Variants in ATP13A3 observed in about 807,000 individuals in gnomAD.
ATP13A3 encodes the protein polyamine-transporting ATPase 13A3.
A neutral mutation model predicts 158.1 loss-of-function variants in ATP13A3; 59 were observed. That is an observed-to-expected ratio of 0.37 (90% CI 0.30 to 0.46). The LOEUF is 0.46. Among genes scored for constraint, ATP13A3 ranks in the 20% least tolerant of loss-of-function variants. ATP13A3 has a pLI of 1.00. For synonymous variants in ATP13A3, 491 were observed against 504.3 expected, an observed-to-expected ratio of 0.97 and a Z score of 0.35; for missense variants, 1,166 against 1,525.2, an observed-to-expected ratio of 0.76 and a Z score of 3.92.
At chr3:194,427,401 T>C (rs1294408518) in intron 28 of ATP13A3, 149 bp from the exon 29 acceptor site, 4 of 669,140 alleles carry the variant, frequency 6.0e-6, no homozygotes, top group Non-Finnish European at 9.8e-6. Flanking sequence ...AAGCCACATA[T>C]CGTACATATT....
intron 31 of ATP13A3, among the ~76,000 whole-genome samples, chr3:194,417,525 C>T (rs2108753949): frequency 6.6e-6 from 1 of 151,984 alleles, no homozygotes; most frequent in South Asian, 2.1e-4. Context: ...AGGAGTCCTA[C>T]CCAAGCATGT....
At chr3:194,436,772 G>A (rs561577272) in intron 20 of ATP13A3, among the ~76,000 whole-genome samples, 21 of 152,258 alleles carry the variant, frequency 1.4e-4, no homozygotes, top group Non-Finnish European at 2.8e-4. Flanking sequence ...TGCTTGAACC[G>A]GGGAGGTGGA....
intron 28 of ATP13A3, among the ~76,000 whole-genome samples, chr3:194,428,237 A>AGAAAAAG (rs57440344): frequency 6.6e-6 from 1 of 151,150 alleles, no homozygotes; most frequent in African/African-American, 2.4e-5. Flanking sequence ...AAAAAAAAAA[A>AGAAAAAG]GAAAAAAAGA....
At chr3:194,421,114 G>GTATATA (rs1553796302) in intron 30 of ATP13A3, among the ~76,000 whole-genome samples, 28 of 8,110 alleles carry the variant, frequency 3.5e-3, no homozygotes, top group African/African-American at 6.9e-3. Context: ...TGTGTAGGGT[G>GTATATA]TATATATATA....
chr3:194,438,798 T>C (rs1717842094), intron 17 of ATP13A3, 58 bp downstream of exon 17: 3 of 1,195,752 alleles, frequency 2.5e-6, no homozygotes, highest in Admixed American at 2.4e-5. Context: ...TTGAAAAAAA[T>C]TAAAAATAAA....
intron 2 of ATP13A3, among the ~76,000 whole-genome samples, chr3:194,477,052 A>G (rs1252240516): frequency 6.6e-6 from 1 of 152,218 alleles, no homozygotes; most frequent in African/African-American, 2.4e-5. Context: ...TCATTCATTT[A>G]GAACACAATC....
Position 194,467,170 on chromosome 3 carries a change from A to T in ATP13A3, c.-46-4934T>A, listed in dbSNP as rs1211886160. Among the ~76,000 whole-genome samples, 2 of 152,234 alleles carry T rather than the reference A, an allele frequency of 1.3e-5. 1 individual carries two copies. The highest frequency in any genetic ancestry group is 2.9e-5 in the Non-Finnish European group (2 of 68,038). ...GAATAAGCATGTTTTATAACTTTAG[A>T]AAGGAACTGCCGTTAAAATCCAATG... On this transcript the variant is annotated intron_variant, in intron 2 of 33. Transcript: ENST00000645319.
chr3:194,461,004 C>G (rs1014656187), intron 3 of ATP13A3, among the ~76,000 whole-genome samples, 173 bp from the exon 4 acceptor site: 1 of 152,082 alleles, frequency 6.6e-6, no homozygotes, highest in African/African-American at 2.4e-5. Context: ...GACCAGTTTA[C>G]TGTCAGTTAT....
chr3:194,460,904 GTTCT>G lies in ATP13A3; in HGVS notation c.52-77_52-74del, dbSNP rs539151114. On this transcript the variant is annotated intron_variant, in intron 3 of 33. Coordinates refer to ENST00000645319, the MANE Select transcript of ATP13A3 (RefSeq NM_001367549.1). Reference sequence around the variant, plus strand: ...ATATGGCAGAGAAACACATTCCAAAGTTCTTTGTTTTCCAGATAGGTATTTATTG... The same window carrying G: ...ATATGGCAGAGAAACACATTCCAAAGTTGTTTTCCAGATAGGTATTTATTG... 4.3e-4 allele frequency: 628 copies of G among 1,463,104 alleles called. 3 individuals are homozygous for G. The African/African-American group carries it at 8.2e-3, about 19-fold the overall frequency. 90.6% of individuals were successfully genotyped at this position (1,463,104 alleles called of 1,614,324 possible). A position where few individuals can be genotyped will look rare whatever the true frequency, so the allele number is the denominator to read the frequency against.
intron 11 of ATP13A3, 92 bp downstream of exon 11, chr3:194,450,053 A>G: frequency 7.5e-7 from 1 of 1,335,994 alleles, no homozygotes; most frequent in Non-Finnish European, 1.0e-6. Flanking sequence ...TAAAGGTACA[A>G]ATGACATAGC....
At chr3:194,444,643 T>C in intron 15 of ATP13A3, 82 bp downstream of exon 15, 1 of 1,235,122 alleles carries the variant, frequency 8.1e-7, no homozygotes, top group Non-Finnish European at 1.1e-6. Context: ...CAGTTGTCTA[T>C]TACTTCCTTT....
chr3:194,492,348 T>C lies in ATP13A3; in HGVS notation n.746+1702A>G, dbSNP rs565792821. On this transcript the variant is annotated intron_variant and non_coding_transcript_variant, in intron 2 of 32. Coordinates refer to the ATP13A3 transcript ENST00000687055. ...GCATATACAGTTGTCCCTCGATATC[T>C]ACAGGGAATTGGTTTCAGAACCTCT... Among the ~76,000 whole-genome samples, 11 of 152,308 alleles carry C rather than the reference T, an allele frequency of 7.2e-5. No individual in the cohort carries two copies. In the South Asian group the frequency reaches 2.3e-3, roughly 32 times the overall value.
In ATP13A3 at chr3:194,413,856, T is replaced by C. The variant is rs1366470593; in HGVS notation, c.3403-17A>G. 6.2e-7 allele frequency: 1 copy of C among 1,601,572 alleles called. No homozygotes were observed. Among genetic ancestry groups the C allele is most frequent in the Non-Finnish European group, 8.6e-7 (1 of 1,169,030 alleles). On this transcript the variant is annotated splice_polypyrimidine_tract_variant and intron_variant, in intron 31 of 33. Coordinates refer to ENST00000645319, the MANE Select transcript of ATP13A3 (RefSeq NM_001367549.1). ...ACACACTATCTGTAATGCAAAAACA[T>C]TTTAAAGTTAAAATTGTTGTATGTA...
intron 2 of ATP13A3, among the ~76,000 whole-genome samples, chr3:194,482,175 C>T (rs1720778531): frequency 6.6e-6 from 1 of 151,800 alleles, no homozygotes; most frequent in Non-Finnish European, 1.5e-5. Context: ...ATTTTTTAAA[C>T]TATCATAACA....
chr3:194,460,407 A>G (rs1372864132), intron 4 of ATP13A3, among the ~76,000 whole-genome samples: 2 of 152,222 alleles, frequency 1.3e-5, no homozygotes. Flanking sequence ...ACAGACAAGT[A>G]GCTAATCTCT....
At position 194,405,922 on chromosome 3, in the gene ATP13A3, T is replaced by C. The variant is rs1380193313; in HGVS notation, c.3768A>G (p.Thr1256=). Residue 1256 remains threonine, a synonymous_variant, in exon 34 of 34, where the codon ACA becomes ACG. Coordinates refer to ENST00000645319, the MANE Select transcript of ATP13A3 (RefSeq NM_001367549.1). ...ENGSCQIITI[T] Reference sequence around the variant, plus strand: ...TACCACTGAGACTGATTCACTGCTATGTTATGGTGATGATTTGACATGATC... The same window carrying C: ...TACCACTGAGACTGATTCACTGCTACGTTATGGTGATGATTTGACATGATC... 6.2e-7 allele frequency: 1 copy of C among 1,613,860 alleles called. No homozygotes were observed. The highest frequency in any genetic ancestry group is 8.5e-7 in the Non-Finnish European group (1 of 1,179,748).
At chr3:194,454,454 T>A in intron 8 of ATP13A3, 62 bp from the exon 9 acceptor site, 1 of 1,472,146 alleles carries the variant, frequency 6.8e-7, no homozygotes, top group South Asian at 1.2e-5. Context: ...AGATTGTCCA[T>A]CTTTTCATTT....
chr3:194,425,048 T>TC (rs763587612), intron 30 of ATP13A3, among the ~76,000 whole-genome samples: 2 of 152,140 alleles, frequency 1.3e-5, no homozygotes, highest in Non-Finnish European at 2.9e-5. Flanking sequence ...CTGAGGAACC[T>TC]CCGTCTCCAC....
intron 2 of ATP13A3, among the ~76,000 whole-genome samples, chr3:194,480,425 C>T (rs904144781): frequency 1.3e-4 from 20 of 149,146 alleles, no homozygotes; most frequent in Non-Finnish European, 2.9e-5. Flanking sequence ...AGTTTAGATA[C>T]TTTAAATTTC....
Sources: allele counts gnomAD v4.1 joint callset (sites outside exome capture counted in the v4.1 genomes callset), GRCh38; gene constraint gnomAD v4.1.1; transcripts MANE v1.5; gene names NCBI Gene and HGNC (gene_info 2026-07-23, HGNC 2026-07-21).